PEX26: variants seen among roughly 807,000 people sequenced by gnomAD.
PEX26 encodes peroxisomal biogenesis factor 26.
Under a neutral mutation model 31.4 loss-of-function variants are expected in PEX26, and 18 were observed. The ratio of observed to expected loss-of-function variants is 0.57; its 90% confidence interval spans 0.40 to 0.85. PEX26 has a LOEUF of 0.85. Ranked by LOEUF, PEX26 falls within the 40% of genes least tolerant of loss-of-function variation. The pLI is 0.00. For missense variants in PEX26, 377 were observed against 383.9 expected (o/e 0.98, Z 0.15); for synonymous variants, 176 against 166.9 (o/e 1.05, Z -0.42).
At chr22:18,083,399 T>C (rs753707082) in intron 2 of PEX26, 38 bp from the exon 3 acceptor site, 1 of 1,605,018 alleles carries the variant, frequency 6.2e-7, no homozygotes, top group African/African-American at 1.3e-5. Flanking sequence ...GAGCACTGAC[T>C]CTTCTTTTGT....
At position 18,101,690 on chromosome 22, in the gene PEX26, C is replaced by A. The variant is rs1361094366; in HGVS notation, c.*13615C>A. ...ACTTGTGTCAAAACCCGATCCAGAG[C>A]AGCAGTGATGAAATCACCCTCTCCT... On this transcript the variant is annotated 3_prime_UTR_variant, in exon 5 of 5. Transcript: ENST00000399744. 3.7e-6 allele frequency: 1 copy of A among 272,202 alleles called. No homozygotes were observed. The highest frequency in any genetic ancestry group is 6.9e-6 in the Non-Finnish European group (1 of 144,460). 16.9% of individuals were successfully genotyped at this position (272,202 alleles called of 1,614,324 possible). A position where few individuals can be genotyped will look rare whatever the true frequency, so the allele number is the denominator to read the frequency against.
At position 18,102,907 on chromosome 22, in the gene PEX26, A is replaced by G. The variant is rs1371987607; in HGVS notation, c.*14832A>G. 1 of 152,118 alleles carries G rather than the reference A, an allele frequency of 6.6e-6. No homozygotes were observed. The highest frequency in any genetic ancestry group is 2.4e-5 in the African/African-American group (1 of 41,410). 9.4% of individuals were successfully genotyped at this position (152,118 alleles called of 1,614,324 possible). The stretch of plus-strand genomic sequence containing the variant: ...GAGACCAGCCTGGCCAACACGGTGA[A>G]ACCCCATCTCTACTAAAAATACAAA... On this transcript the variant is annotated 3_prime_UTR_variant, in exon 5 of 5. Coordinates refer to ENST00000399744, the MANE Select transcript of PEX26 (RefSeq NM_001127649.3).
rs1281097004 is a variant in PEX26, at chr22:18,091,832, G to T, written c.*3757G>T. 6.6e-6 allele frequency: 1 copy of T among 152,198 alleles called. No individual in the cohort carries two copies. The highest frequency in any genetic ancestry group is 2.4e-5 in the African/African-American group (1 of 41,428). 9.4% of individuals were successfully genotyped at this position (152,198 alleles called of 1,614,324 possible). ...CAAGTACAGCAGCCCCAAGTTTAGG[G>T]TGAGCAGCAGTGGTCAGAGCTCTTT... On this transcript the variant is annotated 3_prime_UTR_variant, in exon 5 of 5. Coordinates refer to ENST00000399744, the MANE Select transcript of PEX26 (RefSeq NM_001127649.3).
Position 18,077,991 on chromosome 22 carries a change from C to T in PEX26, c.-386C>T. On this transcript the variant is annotated 5_prime_UTR_variant, in exon 1 of 5. Coordinates refer to ENST00000399744, the MANE Select transcript of PEX26 (RefSeq NM_001127649.3). ...AGTACTCCGCGCCGCCGGGACGCCG[C>T]GCGGCTGCGGGGCTGGGCGAGCGCA... 1 of 423,416 alleles carries T rather than the reference C, an allele frequency of 2.4e-6. No individual in the cohort carries two copies. Among genetic ancestry groups the T allele is most frequent in the South Asian group, 1.7e-5 (1 of 57,776 alleles). 26.2% of individuals were successfully genotyped at this position (423,416 alleles called of 1,614,324 possible). A position where few individuals can be genotyped will look rare whatever the true frequency, so the allele number is the denominator to read the frequency against.
In PEX26 at chr22:18,104,724, G is replaced by C. The variant is rs74504091; in HGVS notation, c.*16649G>C. On this transcript the variant is annotated 3_prime_UTR_variant, in exon 5 of 5. Transcript: ENST00000399744. ...CTGCCTCCTGTTCTCACTGCCTCCT[G>C]TTTCTGCTGAGTTCTTTGCATCTGC... 531 of 152,928 alleles carry C rather than the reference G, an allele frequency of 3.5e-3. 5 individuals are homozygous for C. The highest frequency in any genetic ancestry group is 0.012 in the African/African-American group (492 of 41,544). The allele number at this position is 152,928 out of a possible 1,614,324, so 9.5% of individuals were successfully genotyped here.
At position 18,094,895 on chromosome 22, in the gene PEX26, T is replaced by C. The variant is rs559574089; in HGVS notation, c.*6820T>C. The C allele has an allele frequency of 2.4e-4, 37 of 151,938 alleles. No homozygotes were observed. Among genetic ancestry groups the C allele is most frequent in the African/African-American group, 8.7e-4 (36 of 41,454 alleles). The allele number at this position is 151,938 out of a possible 1,614,324, so 9.4% of individuals were successfully genotyped here. A position where few individuals can be genotyped will look rare whatever the true frequency, so the allele number is the denominator to read the frequency against. ...TGGGTTCAAGCCAGCGAGGTAGATA[T>C]TATCATTTTAGAGACAGCAAAACAG... On this transcript the variant is annotated 3_prime_UTR_variant, in exon 5 of 5. Coordinates refer to ENST00000399744, the MANE Select transcript of PEX26 (RefSeq NM_001127649.3).
In PEX26 at chr22:18,083,324, G is replaced by A. The variant is rs557930513; in HGVS notation, c.372-113G>A. 3.5e-5 allele frequency: 38 copies of A among 1,079,580 alleles called. No homozygotes were observed. The African/African-American group carries it at 4.3e-4, about 12-fold the overall frequency. The allele number at this position is 1,079,580 out of a possible 1,614,324, so 66.9% of individuals were successfully genotyped here. ...ATCATCATTTCATCGGAAAGGGCTC[G>A]AGGACACAGTGAGGAGGGGCTGGAT... On this transcript the variant is annotated intron_variant, in intron 2 of 4. Transcript: ENST00000399744.
rs533631030 is a variant in PEX26 at position 18,093,164 on chromosome 22, C to T, written c.*5089C>T. Reference sequence around the variant, plus strand: ...ACTGGGATATGTAAAAATTAAGTATCACAAAAGACCATCACACGATTCTAC... The same window carrying T: ...ACTGGGATATGTAAAAATTAAGTATTACAAAAGACCATCACACGATTCTAC... On this transcript the variant is annotated 3_prime_UTR_variant, in exon 5 of 5. Coordinates refer to ENST00000399744, the MANE Select transcript of PEX26 (RefSeq NM_001127649.3). The T allele has an allele frequency of 2.6e-5, 4 of 152,230 alleles. No homozygotes were observed. The South Asian group carries it at 6.2e-4, about 24-fold the overall frequency. The allele number at this position is 152,230 out of a possible 1,614,324, so 9.4% of individuals were successfully genotyped here.
chr22:18,104,542 T>C lies in PEX26; in HGVS notation c.*16467T>C, dbSNP rs902299388. 2 of 152,116 alleles carry C rather than the reference T, an allele frequency of 1.3e-5. No homozygotes were observed. The allele number at this position is 152,116 out of a possible 1,614,324, so 9.4% of individuals were successfully genotyped here. A position where few individuals can be genotyped will look rare whatever the true frequency, so the allele number is the denominator to read the frequency against. On this transcript the variant is annotated 3_prime_UTR_variant, in exon 5 of 5. Coordinates refer to ENST00000399744, the MANE Select transcript of PEX26 (RefSeq NM_001127649.3). ...AGGAGCTGGTAGCGGAGGAAGGTGG[T>C]TACCCATCTGTGACAGAGCCTTGGA...
rs1410231578 is a variant in PEX26, at chr22:18,089,279, G to C, written c.*1204G>C. ...CAAATTTTTCTGCTCGTGTGGCCTT[G>C]AAAAGTAGGCCAGCCTCAGAGGCTG... On this transcript the variant is annotated 3_prime_UTR_variant, in exon 5 of 5. Coordinates refer to ENST00000399744, the MANE Select transcript of PEX26 (RefSeq NM_001127649.3). 6.5e-6 allele frequency: 1 copy of C among 152,706 alleles called. No homozygotes were observed. Among genetic ancestry groups the C allele is most frequent in the Admixed American group, 6.6e-5 (1 of 15,266 alleles). The allele number at this position is 152,706 out of a possible 1,614,324, so 9.5% of individuals were successfully genotyped here.
At position 18,089,443 on chromosome 22, in the gene PEX26, C is replaced by G. The variant is rs1926986449; in HGVS notation, c.*1368C>G. ...CACCGAGGCCTTAGCATTTGAGGAG[C>G]TGAAATGTTTCAGTGTTGTTTTCTC... is the stretch of plus-strand genomic sequence containing the variant. On this transcript the variant is annotated 3_prime_UTR_variant, in exon 5 of 5. Coordinates refer to ENST00000399744, the MANE Select transcript of PEX26 (RefSeq NM_001127649.3). 1 of 152,602 alleles carries G rather than the reference C, an allele frequency of 6.6e-6. No individual in the cohort carries two copies. Among genetic ancestry groups the G allele is most frequent in the Non-Finnish European group, 1.5e-5 (1 of 68,120 alleles). The allele number at this position is 152,602 out of a possible 1,614,324, so 9.5% of individuals were successfully genotyped here.
intron 4 of PEX26, among the ~76,000 whole-genome samples, chr22:18,086,126 C>T (rs185806172): frequency 2.9e-4 from 44 of 151,920 alleles, no homozygotes; most frequent in African/African-American, 9.7e-4. Context: ...GGTGAAACCC[C>T]GTCTCTACTA....
Position 18,088,954 on chromosome 22 carries a change from T to C in PEX26, c.*879T>C, listed in dbSNP as rs1926962784. On this transcript the variant is annotated 3_prime_UTR_variant, in exon 5 of 5. Coordinates refer to ENST00000399744, the MANE Select transcript of PEX26 (RefSeq NM_001127649.3). The surrounding 1 kb of genome is among the most constrained non-coding windows in gnomAD (Gnocchi z 4.1). ...GGGTGTGGTTTTCAGAACCACCGGG[T>C]TGACTACTGAAAACCAAGTGAGCCT... 1 of 152,340 alleles carries C rather than the reference T, an allele frequency of 6.6e-6. No homozygotes were observed. The highest frequency in any genetic ancestry group is 1.5e-5 in the Non-Finnish European group (1 of 68,162). 9.4% of individuals were successfully genotyped at this position (152,340 alleles called of 1,614,324 possible). A position where few individuals can be genotyped will look rare whatever the true frequency, so the allele number is the denominator to read the frequency against.
At position 18,083,419 on chromosome 22, in the gene PEX26, G is replaced by GT. The variant is rs1489019658; in HGVS notation, c.372-12dup. 4.3e-6 allele frequency: 7 copies of GT among 1,613,004 alleles called. No individual in the cohort carries two copies. The highest frequency in any genetic ancestry group is 5.1e-6 in the Non-Finnish European group (6 of 1,179,762). On this transcript the variant is annotated splice_polypyrimidine_tract_variant and intron_variant, in intron 2 of 4. Coordinates refer to ENST00000399744, the MANE Select transcript of PEX26 (RefSeq NM_001127649.3). ...CTGACTCTTCTTTTGTTGGGATTGGGTTTTTTGGGGACTGCAGCATTCTTT... is the reference window on the plus strand; with the variant it reads ...CTGACTCTTCTTTTGTTGGGATTGGGTTTTTTTGGGGACTGCAGCATTCTTT...
chr22:18,080,407 G>T lies in PEX26; in HGVS notation c.371+393G>T, dbSNP rs151215931. ...TGCAGTGGCACAGTCTCTGCTCACTGCAAGCTCCACCTCCCGGGTTCACAC... is the reference window on the plus strand; with the variant it reads ...TGCAGTGGCACAGTCTCTGCTCACTTCAAGCTCCACCTCCCGGGTTCACAC... On this transcript the variant is annotated intron_variant, in intron 2 of 4. Transcript: ENST00000399744. 4.5e-3 allele frequency among the ~76,000 whole-genome samples: 678 copies of T among 152,310 alleles called. 8 individuals carry two copies. Among genetic ancestry groups the T allele is most frequent in the African/African-American group, 0.016 (659 of 41,556 alleles).
chr22:18,100,783 G>T lies in PEX26; in HGVS notation c.*12708G>T, dbSNP rs1927429870. 1 of 152,238 alleles carries T rather than the reference G, an allele frequency of 6.6e-6. No homozygotes were observed. The highest frequency in any genetic ancestry group is 2.4e-5 in the African/African-American group (1 of 41,460). The allele number at this position is 152,238 out of a possible 1,614,324, so 9.4% of individuals were successfully genotyped here. A position where few individuals can be genotyped will look rare whatever the true frequency, so the allele number is the denominator to read the frequency against. On this transcript the variant is annotated 3_prime_UTR_variant, in exon 5 of 5. Coordinates refer to ENST00000399744, the MANE Select transcript of PEX26 (RefSeq NM_001127649.3). ...GATGAGTGGGACACCATCTCGGTAGGAAAGAGTTTGACAGGAAGAAGAAAT... is the reference window on the plus strand; with the variant it reads ...GATGAGTGGGACACCATCTCGGTAGTAAAGAGTTTGACAGGAAGAAGAAAT...
chr22:18,080,497 T>G (rs1478802612), intron 2 of PEX26, among the ~76,000 whole-genome samples: 1 of 152,046 alleles, frequency 6.6e-6, no homozygotes, highest in Non-Finnish European at 1.5e-5. Context: ...GCCCGGCTAA[T>G]TTTTTTGTGT....
rs1382631307 is a variant in PEX26, at chr22:18,103,783, C to G, written c.*15708C>G. 2 of 152,526 alleles carry G rather than the reference C, an allele frequency of 1.3e-5. No homozygotes were observed. Among genetic ancestry groups the G allele is most frequent in the Non-Finnish European group, 2.9e-5 (2 of 68,304 alleles). 9.4% of individuals were successfully genotyped at this position (152,526 alleles called of 1,614,324 possible). On this transcript the variant is annotated 3_prime_UTR_variant, in exon 5 of 5. Coordinates refer to ENST00000399744, the MANE Select transcript of PEX26 (RefSeq NM_001127649.3). ...GCTTCTTGGCCCAGCCCGGTCAACA[C>G]CCACATGCACCACCACCAACTTTTT... is the stretch of plus-strand genomic sequence containing the variant.
Position 18,078,169 on chromosome 22 carries a change from A to G in PEX26, c.-208A>G, listed in dbSNP as rs1233727249. ...AGAATCCTGCAAATCTGACGTGTAA[A>G]CTGCTTCCCCAGCCTCCAGGCGAGC... On this transcript the variant is annotated 5_prime_UTR_variant, in exon 1 of 5. Coordinates refer to ENST00000399744, the MANE Select transcript of PEX26 (RefSeq NM_001127649.3). The G allele has an allele frequency of 2.9e-6, 2 of 696,256 alleles. No homozygotes were observed. Among genetic ancestry groups the G allele is most frequent in the East Asian group, 2.7e-5 (1 of 36,920 alleles). The allele number at this position is 696,256 out of a possible 1,614,324, so 43.1% of individuals were successfully genotyped here. A position where few individuals can be genotyped will look rare whatever the true frequency, so the allele number is the denominator to read the frequency against.
Sources: allele counts gnomAD v4.1 joint callset (sites outside exome capture counted in the v4.1 genomes callset), GRCh38; gene constraint gnomAD v4.1.1; non-coding constraint Gnocchi (gnomAD v3.1); transcripts MANE v1.5; gene names NCBI Gene and HGNC (gene_info 2026-07-23, HGNC 2026-07-21).